The following NUFIP2 variants were observed in gnomAD, a reference collection of about 807,000 sequenced individuals.
The protein encoded by NUFIP2 is FMR1-interacting protein NUFIP2.
Under a neutral mutation model 56.9 loss-of-function variants are expected in NUFIP2, and 6 were observed. That is an observed-to-expected ratio of 0.11 (90% CI 0.06 to 0.21). NUFIP2 has a LOEUF of 0.21. Among genes scored for constraint, NUFIP2 ranks in the 10% least tolerant of loss-of-function variants. The pLI is 1.00. For missense variants in NUFIP2, 828 were observed against 826.8 expected (o/e 1.00, Z -0.02); for synonymous variants, 321 against 298.2 (o/e 1.08, Z -0.79).
intron 2 of NUFIP2, among the ~76,000 whole-genome samples, chr17:29,284,799 G>A (rs976722121): frequency 2.6e-5 from 4 of 151,676 alleles, no homozygotes; most frequent in African/African-American, 9.7e-5. Flanking sequence ...TTGGGCTTTA[G>A]GGCTATGAAA....
chr17:29,284,857 A>G (rs918980657), intron 2 of NUFIP2, among the ~76,000 whole-genome samples: 2 of 152,080 alleles, frequency 1.3e-5, no homozygotes, highest in Admixed American at 6.6e-5. Context: ...CATACTTGAC[A>G]CTGTGATTTG....
In NUFIP2 at chr17:29,257,075, T is replaced by G. The variant is rs1432084594; in HGVS notation, c.*7464A>C. On this transcript the variant is annotated 3_prime_UTR_variant, in exon 4 of 4. Transcript: ENST00000225388. ...TTCTATTTGATCAAATAAACCAAAATATTACTAAGGAAGAGCATCCAATGA... is the reference window on the plus strand; with the variant it reads ...TTCTATTTGATCAAATAAACCAAAAGATTACTAAGGAAGAGCATCCAATGA... 6.6e-6 allele frequency: 1 copy of G among 152,138 alleles called. No homozygotes were observed. Among genetic ancestry groups the G allele is most frequent in the African/African-American group, 2.4e-5 (1 of 41,444 alleles). 9.4% of individuals were successfully genotyped at this position (152,138 alleles called of 1,614,324 possible).
intron 1 of NUFIP2, among the ~76,000 whole-genome samples, chr17:29,292,608 C>A (rs2069222428): frequency 6.7e-6 from 1 of 150,218 alleles, no homozygotes; most frequent in Non-Finnish European, 1.5e-5. Flanking sequence ...CCCCCGCCGC[C>A]CCCCCAGGCC....
intron 2 of NUFIP2, among the ~76,000 whole-genome samples, chr17:29,273,714 C>T (rs1205443683): frequency 6.6e-6 from 1 of 152,148 alleles, no homozygotes; most frequent in Non-Finnish European, 1.5e-5. Context: ...AGTTTTTGCT[C>T]TTAAGATATA....
rs376881055 is a variant in NUFIP2 at position 29,260,317 on chromosome 17, T to C, written c.*4222A>G. The C allele has an allele frequency of 3.3e-5, 5 of 152,276 alleles. 1 individual carries two copies. The highest frequency in any genetic ancestry group is 9.6e-5 in the African/African-American group (4 of 41,562). 9.4% of individuals were successfully genotyped at this position (152,276 alleles called of 1,614,324 possible). A position where few individuals can be genotyped will look rare whatever the true frequency, so the allele number is the denominator to read the frequency against. ...GGTGTGGCATCAACCAATCTGACCA[T>C]AATGACCATTATATTTGTCCCATAA... On this transcript the variant is annotated 3_prime_UTR_variant, in exon 4 of 4. Coordinates refer to ENST00000225388, the MANE Select transcript of NUFIP2 (RefSeq NM_020772.3).
rs749824184 is a variant in NUFIP2 at position 29,293,917 on chromosome 17, T to A, written c.143A>T (p.His48Leu). ...TTGGTGAGGCTGCTGGTGATGATGG[T>A]GGTGGTGGTGGTTGTGGCTGTGGTT... ...FYNHSHNHHH[H>L]HHHQQPHQYL... The change falls in exon 1 of 4, where the codon CAC becomes CTC. Residue 48 changes from histidine (H) to leucine (L), a missense_variant. This residue lies in a region of NUFIP2 where 415 missense variants were observed against 408.7 expected (regional missense o/e 1.02). Coordinates refer to ENST00000225388, the MANE Select transcript of NUFIP2 (RefSeq NM_020772.3). 1.9e-6 allele frequency: 3 copies of A among 1,613,448 alleles called. No homozygotes were observed. The South Asian group carries it at 3.3e-5, about 18-fold the overall frequency.
In NUFIP2 at chr17:29,290,209, A is replaced by G. The variant is rs561966977; in HGVS notation, c.278-2493T>C. On this transcript the variant is annotated intron_variant, in intron 1 of 3. Transcript: ENST00000225388. Reference sequence around the variant, plus strand: ...TCTTAGATTTCTTAGAACTCTTAAGAGTTCTTAGATTCCACAGGGTTACAT... The same window carrying G: ...TCTTAGATTTCTTAGAACTCTTAAGGGTTCTTAGATTCCACAGGGTTACAT... 2.0e-5 allele frequency among the ~76,000 whole-genome samples: 3 copies of G among 152,252 alleles called. No individual in the cohort carries two copies. In the South Asian group the frequency reaches 6.2e-4, roughly 32 times the overall value.
intron 2 of NUFIP2, among the ~76,000 whole-genome samples, chr17:29,272,835 T>C (rs1421471237): frequency 6.6e-6 from 1 of 150,592 alleles, no homozygotes; most frequent in East Asian, 1.9e-4. Context: ...CCTCAGTAAC[T>C]GATTCTTTTT....
chr17:29,265,355 T>C lies in NUFIP2; in HGVS notation c.2036-764A>G, dbSNP rs1176476705. 2.7e-5 allele frequency among the ~76,000 whole-genome samples: 4 copies of C among 145,634 alleles called. No homozygotes were observed. In the East Asian group the frequency reaches 7.9e-4, roughly 29 times the overall value. On this transcript the variant is annotated intron_variant, in intron 3 of 3. Coordinates refer to ENST00000225388, the MANE Select transcript of NUFIP2 (RefSeq NM_020772.3). ...TCTCGCTCTGTCGCCCAGGCTGGAGTGCAGTGGCGCGATCTCGGCTCACTG... is the reference window on the plus strand; with the variant it reads ...TCTCGCTCTGTCGCCCAGGCTGGAGCGCAGTGGCGCGATCTCGGCTCACTG...
chr17:29,274,973 A>T (rs1252651300), intron 2 of NUFIP2, among the ~76,000 whole-genome samples: 1 of 152,192 alleles, frequency 6.6e-6, no homozygotes, highest in Non-Finnish European at 1.5e-5. Flanking sequence ...ATTCAATTTA[A>T]TATACATAGA....
At chr17:29,275,798 C>T (rs368836870) in intron 2 of NUFIP2, among the ~76,000 whole-genome samples, 1 of 151,944 alleles carries the variant, frequency 6.6e-6, no homozygotes, top group Non-Finnish European at 1.5e-5. Context: ...GAGGCCAAGG[C>T]GGGTGGATCA....
At chr17:29,265,305 ATT>A (rs66549012) in intron 3 of NUFIP2, among the ~76,000 whole-genome samples, 96 of 135,634 alleles carry the variant, frequency 7.1e-4, no homozygotes, top group African/African-American at 1.6e-3. Flanking sequence ...ATTTTATTTT[ATT>A]TTTTTTTTTT....
At chr17:29,287,741 A>T (rs1216957467) in intron 1 of NUFIP2, 25 bp from the exon 2 acceptor site, 3 of 722,492 alleles carry the variant, frequency 4.2e-6, no homozygotes, top group Non-Finnish European at 5.3e-6. Flanking sequence ...AAAAAGGATT[A>T]AAAAAAAAAA....
chr17:29,281,147 T>C (rs951090693), intron 2 of NUFIP2, among the ~76,000 whole-genome samples: 2 of 145,010 alleles, frequency 1.4e-5, no homozygotes, highest in South Asian at 2.2e-4. Flanking sequence ...TATATACATA[T>C]ATAAAAAATA....
Position 29,260,123 on chromosome 17 carries a change from G to A in NUFIP2, c.*4416C>T, listed in dbSNP as rs1413223449. The A allele has an allele frequency of 6.6e-6, 1 of 152,204 alleles. No homozygotes were observed. Among genetic ancestry groups the A allele is most frequent in the South Asian group, 2.1e-4 (1 of 4,832 alleles). 9.4% of individuals were successfully genotyped at this position (152,204 alleles called of 1,614,324 possible). On this transcript the variant is annotated 3_prime_UTR_variant, in exon 4 of 4. Coordinates refer to ENST00000225388, the MANE Select transcript of NUFIP2 (RefSeq NM_020772.3). ...ATGTGCCTCTGGCAAACCTAAAGCA[G>A]CTATTTATGCTTCTAGTCTTTTCCT...
In NUFIP2 at chr17:29,286,573, T is replaced by C. The variant is rs764502156; in HGVS notation, c.1421A>G (p.Tyr474Cys). 19 of 1,614,144 alleles carry C rather than the reference T, an allele frequency of 1.2e-5. No individual in the cohort carries two copies. Among genetic ancestry groups the C allele is most frequent in the Non-Finnish European group, 1.4e-5 (17 of 1,180,024 alleles). Residue 474 changes from tyrosine (Y) to cysteine (C), a missense_variant, in exon 2 of 4, where the codon TAT becomes TGT. Tyr to Cys is a radical substitution (Grantham distance 194). Coordinates refer to ENST00000225388, the MANE Select transcript of NUFIP2 (RefSeq NM_020772.3). ...VEQIKTSLFI[Y>C]PSNMQTMLLS... is the part of the protein sequence containing the mutation. ...CAGCATAGTTTGCATATTTGAAGGATAGATAAAAAGGCTAGTCTTAATTTG... is the reference window on the plus strand; with the variant it reads ...CAGCATAGTTTGCATATTTGAAGGACAGATAAAAAGGCTAGTCTTAATTTG...
intron 2 of NUFIP2, among the ~76,000 whole-genome samples, chr17:29,268,581 G>C (rs1049504416): frequency 2.0e-5 from 3 of 152,024 alleles, no homozygotes; most frequent in African/African-American, 7.2e-5. Context: ...GCAATGGCAC[G>C]ATCTCGGCTC....
At chr17:29,277,452 C>T (rs1271380190) in intron 2 of NUFIP2, among the ~76,000 whole-genome samples, 1 of 152,158 alleles carries the variant, frequency 6.6e-6, no homozygotes, top group East Asian at 1.9e-4. Flanking sequence ...ACTAATCATG[C>T]CTTCCAATCC....
At chr17:29,288,105 G>A (rs564591727) in intron 1 of NUFIP2, among the ~76,000 whole-genome samples, 83 of 152,310 alleles carry the variant, frequency 5.4e-4, no homozygotes, top group Non-Finnish European at 9.8e-4. Context: ...GTGCAGTGGC[G>A]CTATCTCCGC....
Sources: allele counts gnomAD v4.1 joint callset (sites outside exome capture counted in the v4.1 genomes callset), GRCh38; gene constraint gnomAD v4.1.1; regional missense constraint gnomAD v4.1.1; transcripts MANE v1.5; gene names NCBI Gene and HGNC (gene_info 2026-07-23, HGNC 2026-07-21).